Variants in S100A7A observed in about 807,000 individuals in gnomAD.
The protein encoded by S100A7A is S100 calcium binding protein A7A, also known as protein S100-A7A.
S100A7A carries 5 observed loss-of-function variants against 4.0 expected under a neutral mutation model. The ratio of observed to expected loss-of-function variants is 1.26; its 90% CI spans 0.66 to 2.66. The LOEUF is 2.66. Ranked by LOEUF, S100A7A falls within the 30% of genes most tolerant of loss-of-function variation. S100A7A has a pLI of 0.01. For synonymous variants in S100A7A, 52 were observed against 46.4 expected (o/e 1.12, Z -0.49); for missense variants, 159 against 125.1 (o/e 1.27, Z -1.29).
rs1662858611 is a variant in S100A7A at position 153,420,118 on chromosome 1, G to C, written c.*809G>C. 1 of 152,256 alleles carries C rather than the reference G, an allele frequency of 6.6e-6. No homozygotes were observed. Among genetic ancestry groups the C allele is most frequent in the African/African-American group, 2.4e-5 (1 of 41,448 alleles). 9.4% of individuals were successfully genotyped at this position (152,256 alleles called of 1,614,324 possible). On this transcript the variant is annotated 3_prime_UTR_variant, in exon 3 of 3. Transcript: ENST00000368729. ...CTGGCTGGAATAAGGCAGCATCACG[G>C]AAATTCTGTAAGGACTGACACAGAG...
In S100A7A at chr1:153,422,965, T is replaced by G. The variant is rs1033833958; in HGVS notation, c.*3656T>G. ...CTTATAAATCTGCGAGGTAGTTTCT[T>G]TGGTATTCTTGCCCAGGAAATGGGT... On this transcript the variant is annotated 3_prime_UTR_variant, in exon 3 of 3. Transcript: ENST00000368729. The G allele has an allele frequency of 2.0e-5, 3 of 152,252 alleles. No homozygotes were observed. Among genetic ancestry groups the G allele is most frequent in the Admixed American group, 6.5e-5 (1 of 15,288 alleles). The allele number at this position is 152,252 out of a possible 1,614,324, so 9.4% of individuals were successfully genotyped here.
chr1:153,417,750 G>GT (rs895480783), intron 1 of S100A7A, among the ~76,000 whole-genome samples: 4 of 152,148 alleles, frequency 2.6e-5, no homozygotes, highest in African/African-American at 9.7e-5. Flanking sequence ...GAGGCTGGGG[G>GT]GTCCCAGCTT....
At position 153,419,506 on chromosome 1, in the gene S100A7A, C is replaced by G. The variant is rs1662839278; in HGVS notation, c.*197C>G. On this transcript the variant is annotated 3_prime_UTR_variant, in exon 3 of 3. Coordinates refer to ENST00000368729, the MANE Select transcript of S100A7A (RefSeq NM_176823.4). ...AGTAATGTCCCTCCAGCAACGTTCCCCCTATGGCCTCCAGCAGAGCTGATC... is the reference window on the plus strand; with the variant it reads ...AGTAATGTCCCTCCAGCAACGTTCCGCCTATGGCCTCCAGCAGAGCTGATC... 1 of 630,124 alleles carries G rather than the reference C, an allele frequency of 1.6e-6. No homozygotes were observed. Among genetic ancestry groups the G allele is most frequent in the Non-Finnish European group, 2.8e-6 (1 of 362,382 alleles). The allele number at this position is 630,124 out of a possible 1,614,324, so 39.0% of individuals were successfully genotyped here.
rs1662900344 is a variant in S100A7A, at chr1:153,421,670, G to A, written c.*2361G>A. On this transcript the variant is annotated 3_prime_UTR_variant, in exon 3 of 3. Transcript: ENST00000368729. ...GGCAAATGACTGAACAGTTCCCTCA[G>A]GACTCACGTACTGATCTCCCAAAAG... 6.6e-6 allele frequency: 1 copy of A among 152,202 alleles called. No homozygotes were observed. Among genetic ancestry groups the A allele is most frequent in the Admixed American group, 6.5e-5 (1 of 15,282 alleles). 9.4% of individuals were successfully genotyped at this position (152,202 alleles called of 1,614,324 possible). A position where few individuals can be genotyped will look rare whatever the true frequency, so the allele number is the denominator to read the frequency against.
intron 1 of S100A7A, among the ~76,000 whole-genome samples, chr1:153,417,072 G>A (rs1418598387): frequency 6.6e-6 from 1 of 152,268 alleles, no homozygotes; most frequent in Non-Finnish European, 1.5e-5. Context: ...AGCTTTGAGT[G>A]GCTTCTCTTA....
chr1:153,419,027 C>G (rs138304156), intron 2 of S100A7A, 118 bp from the exon 3 acceptor site: 1 of 1,102,680 alleles, frequency 9.1e-7, no homozygotes, highest in African/African-American at 1.6e-5. Flanking sequence ...CTCAGCCCCA[C>G]GACCATGCCT....
In S100A7A at chr1:153,418,184, G is replaced by T. The variant is rs370692845; in HGVS notation, c.102G>T (p.Thr34=). ...AGATTGAGAAGCCAAGCCTGCTGACGATGATGAAGGAGAACTTCCCCAATT... is the reference window on the plus strand; with the variant it reads ...AGATTGAGAAGCCAAGCCTGCTGACTATGATGAAGGAGAACTTCCCCAATT... ...DGKIEKPSLL[T]MMKENFPNFL... is the part of the protein sequence containing the mutation. Residue 34 remains threonine (T), a synonymous_variant, in exon 2 of 3, where the codon ACG becomes ACT. Transcript: ENST00000368729. 1.2e-6 allele frequency: 2 copies of T among 1,614,008 alleles called. No individual in the cohort carries two copies. Among genetic ancestry groups the T allele is most frequent in the African/African-American group, 2.7e-5 (2 of 75,032 alleles).
chr1:153,417,596 G>A (rs1372955142), intron 1 of S100A7A, among the ~76,000 whole-genome samples: 8 of 152,218 alleles, frequency 5.3e-5, no homozygotes, highest in Admixed American at 2.6e-4. Context: ...GGCCCACGGT[G>A]TCTGGTTCCT....
Position 153,422,594 on chromosome 1 carries a change from T to A in S100A7A, c.*3285T>A. 2.4e-6 allele frequency: 2 copies of A among 832,868 alleles called. No individual in the cohort carries two copies. Among genetic ancestry groups the A allele is most frequent in the Non-Finnish European group, 2.9e-6 (2 of 696,366 alleles). 51.6% of individuals were successfully genotyped at this position (832,868 alleles called of 1,614,324 possible). A position where few individuals can be genotyped will look rare whatever the true frequency, so the allele number is the denominator to read the frequency against. Reference sequence around the variant, plus strand: ...TCTGATATCAAAACATTCCAATAACTTTTTTTTTTCAGGCGCAGTCTCACT... The same window carrying A: ...TCTGATATCAAAACATTCCAATAACATTTTTTTTTCAGGCGCAGTCTCACT... On this transcript the variant is annotated 3_prime_UTR_variant, in exon 3 of 3. Coordinates refer to ENST00000368729, the MANE Select transcript of S100A7A (RefSeq NM_176823.4).
At chr1:153,418,981 C>T (rs777974214) in intron 2 of S100A7A, among the ~76,000 whole-genome samples, 164 bp from the exon 3 acceptor site, 1 of 152,136 alleles carries the variant, frequency 6.6e-6, no homozygotes, top group Non-Finnish European at 1.5e-5. Context: ...ATAACACTCA[C>T]GTCCTCACCC....
At chr1:153,418,592 A>C (rs950794667) in intron 2 of S100A7A, among the ~76,000 whole-genome samples, 13 of 152,196 alleles carry the variant, frequency 8.5e-5, no homozygotes, top group African/African-American at 2.9e-4. Flanking sequence ...GGAAAGCACT[A>C]GAAGTTCCAT....
In S100A7A at chr1:153,421,628, C is replaced by A. The variant is rs1662899811; in HGVS notation, c.*2319C>A. The A allele has an allele frequency of 6.6e-6, 1 of 152,214 alleles. No individual in the cohort carries two copies. Among genetic ancestry groups the A allele is most frequent in the East Asian group, 1.9e-4 (1 of 5,196 alleles). The allele number at this position is 152,214 out of a possible 1,614,324, so 9.4% of individuals were successfully genotyped here. On this transcript the variant is annotated 3_prime_UTR_variant, in exon 3 of 3. Coordinates refer to ENST00000368729, the MANE Select transcript of S100A7A (RefSeq NM_176823.4). ...GAATCTGGACCCCAGAGTCTGGAAGCAGGCCAGAAAGGATAAGGCAAATGA... is the reference window on the plus strand; with the variant it reads ...GAATCTGGACCCCAGAGTCTGGAAGAAGGCCAGAAAGGATAAGGCAAATGA...
chr1:153,417,988 C>T, intron 1 of S100A7A, 78 bp from the exon 2 acceptor site: 1 of 1,558,530 alleles, frequency 6.4e-7, no homozygotes, highest in Non-Finnish European at 8.7e-7. Flanking sequence ...ACTCTGTCCT[C>T]AGCCCTCCTT....
rs1272490315 is a variant in S100A7A, at chr1:153,422,959, G to C, written c.*3650G>C. On this transcript the variant is annotated 3_prime_UTR_variant, in exon 3 of 3. Coordinates refer to ENST00000368729, the MANE Select transcript of S100A7A (RefSeq NM_176823.4). ...TGTTCCCTTATAAATCTGCGAGGTA[G>C]TTTCTTTGGTATTCTTGCCCAGGAA... is the stretch of plus-strand genomic sequence containing the variant. 6.6e-6 allele frequency: 1 copy of C among 152,186 alleles called. No homozygotes were observed. 9.4% of individuals were successfully genotyped at this position (152,186 alleles called of 1,614,324 possible).
chr1:153,416,744 G>A (rs1662727055), intron 1 of S100A7A, among the ~76,000 whole-genome samples, 181 bp downstream of exon 1: 5 of 152,348 alleles, frequency 3.3e-5, no homozygotes, highest in Admixed American at 2.0e-4. Context: ...TGTACAACCA[G>A]GTGGCTGAAC....
In S100A7A at chr1:153,419,323, A is replaced by G. The variant is rs767479832; in HGVS notation, c.*14A>G. On this transcript the variant is annotated 3_prime_UTR_variant, in exon 3 of 3. Coordinates refer to ENST00000368729, the MANE Select transcript of S100A7A (RefSeq NM_176823.4). Reference sequence around the variant, plus strand: ...GGAAGCCAGTGATCCAGCCCCACCAAGGGGCCTCCAGAGACCCCAGGAACA... The same window carrying G: ...GGAAGCCAGTGATCCAGCCCCACCAGGGGGCCTCCAGAGACCCCAGGAACA... 1.9e-5 allele frequency: 31 copies of G among 1,610,010 alleles called. No homozygotes were observed. Among genetic ancestry groups the G allele is most frequent in the African/African-American group, 2.7e-5 (2 of 74,594 alleles).
intron 2 of S100A7A, 100 bp downstream of exon 2, chr1:153,418,323 T>C (rs1662792738): frequency 5.3e-6 from 8 of 1,504,014 alleles, no homozygotes; most frequent in Non-Finnish European, 7.2e-6. Flanking sequence ...ATCCTCTGAT[T>C]AAAAAGTTTC....
intron 1 of S100A7A, among the ~76,000 whole-genome samples, chr1:153,417,578 C>A (rs1662758098): frequency 6.6e-6 from 1 of 152,198 alleles, no homozygotes; most frequent in Non-Finnish European, 1.5e-5. Context: ...GCACTTGAGT[C>A]AAGGTGGGGC....
At chr1:153,417,984 T>C in intron 1 of S100A7A, 82 bp from the exon 2 acceptor site, 1 of 1,541,398 alleles carries the variant, frequency 6.5e-7, no homozygotes, top group Non-Finnish European at 8.8e-7. Flanking sequence ...TTTTACTCTG[T>C]CCTCAGCCCT....
Sources: allele counts gnomAD v4.1 joint callset (sites outside exome capture counted in the v4.1 genomes callset), GRCh38; gene constraint gnomAD v4.1.1; transcripts MANE v1.5; gene names NCBI Gene and HGNC (gene_info 2026-07-23, HGNC 2026-07-21).